SLC44A5: variants seen among roughly 807,000 people sequenced by gnomAD.
SLC44A5 encodes solute carrier family 44 member 5, also known as choline transporter-like protein 5.
Under a neutral mutation model 101.8 loss-of-function variants are expected in SLC44A5, and 57 were observed. The ratio of observed to expected loss-of-function variants is 0.56; its 90% CI spans 0.45 to 0.70. The LOEUF is 0.70. Among genes scored for constraint, SLC44A5 ranks in the 30% least tolerant of loss-of-function variants. The probability of loss-of-function intolerance (pLI) is 0.00; values close to 1 mark genes in which losing one functional copy is unlikely to be tolerated. For missense variants in SLC44A5, 737 were observed against 853.1 expected, an observed-to-expected ratio of 0.86 and a Z score of 1.70; for synonymous variants, 281 against 290.9, an observed-to-expected ratio of 0.97 and a Z score of 0.35.
chr1:75,226,263 A>G (rs1389166680), intron 13 of SLC44A5, among the ~76,000 whole-genome samples: 1 of 151,838 alleles, frequency 6.6e-6, no homozygotes, highest in Admixed American at 6.6e-5. Context: ...TTTTTAAGAG[A>G]AAAACTAAAT....
chr1:75,453,941 T>G (rs976854676), intron 2 of SLC44A5, among the ~76,000 whole-genome samples: 5 of 152,034 alleles, frequency 3.3e-5, no homozygotes, highest in African/African-American at 9.7e-5. Flanking sequence ...CTAGGCAAGA[T>G]GAACTCACAG....
At chr1:75,290,815 C>G (rs1030808315) in intron 5 of SLC44A5, among the ~76,000 whole-genome samples, 2 of 152,160 alleles carry the variant, frequency 1.3e-5, no homozygotes, top group African/African-American at 4.8e-5. Flanking sequence ...AGTGGGACTT[C>G]AGATATATAC....
At chr1:75,215,329 A>G (rs995710734) in intron 19 of SLC44A5, among the ~76,000 whole-genome samples, 11 of 152,170 alleles carry the variant, frequency 7.2e-5, no homozygotes, top group African/African-American at 2.7e-4. Context: ...AACATTGTCA[A>G]TGTCCACACA....
chr1:75,520,203 C>T (rs1455638457), intron 2 of SLC44A5, among the ~76,000 whole-genome samples: 1 of 152,118 alleles, frequency 6.6e-6, no homozygotes, highest in African/African-American at 2.4e-5. Flanking sequence ...ATGAAACACT[C>T]TTGAAATTGG....
Position 75,541,420 on chromosome 1 carries a change from C to T in SLC44A5, c.13+15G>A, listed in dbSNP as rs1261851186. The T allele has an allele frequency of 2.5e-6, 4 of 1,591,054 alleles. No individual in the cohort carries two copies. In the African/African-American group the frequency reaches 5.4e-5, roughly 21 times the overall value. ...AGTCCAGATCAAGAGGAACTTAATT[C>T]AAGTAGGTGATTACCTGTGTCATTC... On this transcript the variant is annotated intron_variant, in intron 2 of 23. Coordinates refer to ENST00000370859, the MANE Select transcript of SLC44A5 (RefSeq NM_001130058.2).
intron 4 of SLC44A5, among the ~76,000 whole-genome samples, chr1:75,302,317 T>C (rs1163244514): frequency 6.6e-6 from 1 of 151,964 alleles, no homozygotes; most frequent in Non-Finnish European, 1.5e-5. Context: ...AACTAGAGCA[T>C]AGATGTGCTT....
At chr1:75,230,029 T>C (rs2100550915) in intron 12 of SLC44A5, among the ~76,000 whole-genome samples, 1 of 152,358 alleles carries the variant, frequency 6.6e-6, no homozygotes, top group African/African-American at 2.4e-5. Flanking sequence ...GTCCCCTTGT[T>C]ACATTCTGCT....
intron 6 of SLC44A5, among the ~76,000 whole-genome samples, chr1:75,265,298 A>C (rs915647266): frequency 6.6e-6 from 1 of 152,158 alleles, no homozygotes; most frequent in Admixed American, 6.5e-5. Flanking sequence ...CAAGGACATA[A>C]AAACAAACAA....
chr1:75,232,466 G>C (rs1231882032), intron 12 of SLC44A5, among the ~76,000 whole-genome samples: 1 of 151,934 alleles, frequency 6.6e-6, no homozygotes, highest in African/African-American at 2.4e-5. Flanking sequence ...TGCAGTTTCT[G>C]ATTAGGGCAT....
At chr1:75,345,360 A>G (rs1020338150) in intron 3 of SLC44A5, among the ~76,000 whole-genome samples, 6 of 152,146 alleles carry the variant, frequency 3.9e-5, no homozygotes, top group Non-Finnish European at 7.4e-5. Context: ...TCTTGGGAGA[A>G]TTACTTTTTG....
chr1:75,258,556 C>T (rs1650215046), intron 6 of SLC44A5, among the ~76,000 whole-genome samples: 1 of 152,114 alleles, frequency 6.6e-6, no homozygotes, highest in African/African-American at 2.4e-5. Context: ...ACCCCCAACT[C>T]CCTGGGACAG....
At chr1:75,297,973 A>T (rs923600406) in intron 5 of SLC44A5, among the ~76,000 whole-genome samples, 1 of 152,218 alleles carries the variant, frequency 6.6e-6, no homozygotes, top group African/African-American at 2.4e-5. Flanking sequence ...AACAACAACA[A>T]CAACAACAAA....
At chr1:75,346,877 C>A (rs1286930827) in intron 3 of SLC44A5, among the ~76,000 whole-genome samples, 1 of 152,054 alleles carries the variant, frequency 6.6e-6, no homozygotes, top group Non-Finnish European at 1.5e-5. Context: ...TTTTCCCCTA[C>A]CTTCTAAAAA....
chr1:75,518,538 A>G (rs1669955474), intron 2 of SLC44A5, among the ~76,000 whole-genome samples: 1 of 152,202 alleles, frequency 6.6e-6, no homozygotes, highest in Non-Finnish European at 1.5e-5. Flanking sequence ...TACTCAATAG[A>G]TGTTGCTAAG....
At chr1:75,394,075 TG>T (rs1661968578) in intron 3 of SLC44A5, among the ~76,000 whole-genome samples, 1 of 152,096 alleles carries the variant, frequency 6.6e-6, no homozygotes, top group African/African-American at 2.4e-5. Context: ...AAATGCATCC[TG>T]GGGGCTCTCC....
intron 2 of SLC44A5, among the ~76,000 whole-genome samples, chr1:75,444,308 C>A: frequency 9.8e-6 from 1 of 101,572 alleles, no homozygotes; most frequent in Non-Finnish European, 1.9e-5. Context: ...CAAAACAAAA[C>A]TCTGTCAAAA....
chr1:75,654,042 A>G, the SLC44A5 span, among the ~76,000 whole-genome samples: 1 of 152,224 alleles, frequency 6.6e-6, no homozygotes, highest in Non-Finnish European at 1.5e-5. Flanking sequence ...AATGGATAGC[A>G]TTCAGGTGCC....
chr1:75,544,054 C>T (rs1433682725), intron 1 of SLC44A5, among the ~76,000 whole-genome samples: 1 of 152,120 alleles, frequency 6.6e-6, no homozygotes, highest in Non-Finnish European at 1.5e-5. Flanking sequence ...CCCTCTCAAA[C>T]TTATGGTGAA....
At chr1:75,260,113 G>A (rs1174606114) in intron 6 of SLC44A5, among the ~76,000 whole-genome samples, 1 of 152,116 alleles carries the variant, frequency 6.6e-6, no homozygotes, top group Admixed American at 6.5e-5. Flanking sequence ...GGAAGAAACT[G>A]CATCAACTAA....
Sources: allele counts gnomAD v4.1 joint callset (sites outside exome capture counted in the v4.1 genomes callset), GRCh38; gene constraint gnomAD v4.1.1; transcripts MANE v1.5; gene names NCBI Gene and HGNC (gene_info 2026-07-23, HGNC 2026-07-21).